The following GRIK2 variants were observed in gnomAD, a reference collection of about 807,000 sequenced individuals.
GRIK2 encodes the protein glutamate ionotropic receptor kainate type subunit 2.
GRIK2 carries 32 observed loss-of-function variants against 100.3 expected under a neutral mutation model. The observed-to-expected ratio is 0.32, with a 90% confidence interval of 0.24 to 0.43. The LOEUF (loss-of-function observed/expected upper bound fraction) is 0.43. Ranked by LOEUF, GRIK2 falls within the 20% of genes least tolerant of loss-of-function variation. The pLI is 1.00. For missense variants in GRIK2, 843 were observed against 1,114.9 expected, an observed-to-expected ratio of 0.76 and a Z score of 3.47; for synonymous variants, 417 against 389.4, an observed-to-expected ratio of 1.07 and a Z score of -0.83.
At chr6:101,825,643 A>G (rs1314613732) in intron 10 of GRIK2, among the ~76,000 whole-genome samples, 2 of 151,992 alleles carry the variant, frequency 1.3e-5, no homozygotes, top group African/African-American at 2.4e-5. Context: ...TATTCCAAAC[A>G]TTATTGTCCA....
intron 4 of GRIK2, among the ~76,000 whole-genome samples, chr6:101,650,184 G>T (rs888729151): frequency 6.6e-6 from 1 of 152,078 alleles, no homozygotes; most frequent in Non-Finnish European, 1.5e-5. Context: ...TAACTAAAGT[G>T]CAAAGGTTTA....
chr6:101,633,487 T>G (rs1184103219), intron 4 of GRIK2, among the ~76,000 whole-genome samples: 1 of 152,128 alleles, frequency 6.6e-6, no homozygotes, highest in South Asian at 2.1e-4. Context: ...TTGTGTAAAG[T>G]GCCTCATAGA....
chr6:101,879,359 C>G (rs1433210306), intron 11 of GRIK2, among the ~76,000 whole-genome samples: 1 of 151,978 alleles, frequency 6.6e-6, no homozygotes, highest in East Asian at 1.9e-4. Flanking sequence ...TCTGGATATA[C>G]CATTCCTTTC....
intron 4 of GRIK2, among the ~76,000 whole-genome samples, chr6:101,675,766 T>C (rs1026178956): frequency 3.3e-5 from 5 of 152,204 alleles, no homozygotes; most frequent in Admixed American, 1.3e-4. Flanking sequence ...ACTTTACAAA[T>C]GTGTGCAGGT....
chr6:101,661,138 T>C (rs1769580199), intron 4 of GRIK2, among the ~76,000 whole-genome samples: 2 of 152,146 alleles, frequency 1.3e-5, no homozygotes, highest in Non-Finnish European at 2.9e-5. Flanking sequence ...AAGCCCTGAC[T>C]GGGGCTGCTG....
At chr6:101,624,524 A>G (rs1203136049) in intron 3 of GRIK2, among the ~76,000 whole-genome samples, 1 of 152,180 alleles carries the variant, frequency 6.6e-6, no homozygotes, top group Admixed American at 6.5e-5. Context: ...TGCTTAATTC[A>G]CGTATAATAT....
chr6:101,746,526 C>A (rs1206013554), intron 7 of GRIK2, among the ~76,000 whole-genome samples: 1 of 151,990 alleles, frequency 6.6e-6, no homozygotes, highest in Non-Finnish European at 1.5e-5. Context: ...AGGGTTTCAC[C>A]ATGTTGGCCA....
At chr6:101,784,987 A>G (rs1168773145) in intron 7 of GRIK2, among the ~76,000 whole-genome samples, 2 of 152,084 alleles carry the variant, frequency 1.3e-5, no homozygotes, top group Non-Finnish European at 2.9e-5. Flanking sequence ...TTGTTTAAGA[A>G]CTATTCAAAC....
intron 4 of GRIK2, among the ~76,000 whole-genome samples, chr6:101,637,475 T>C (rs975529133): frequency 1.3e-5 from 2 of 152,132 alleles, no homozygotes; most frequent in Non-Finnish European, 2.9e-5. Context: ...CTATTTTCAG[T>C]TGATCATTTA....
chr6:101,570,634 C>T (rs73506641), intron 2 of GRIK2, among the ~76,000 whole-genome samples: 6,320 of 152,136 alleles, frequency 0.042, 453 homozygotes, highest in African/African-American at 0.15. Context: ...GGAGGATCAT[C>T]GATAGAACCA....
intron 7 of GRIK2, among the ~76,000 whole-genome samples, chr6:101,688,061 ATATATAAAAATATTTAT>A (rs1409028796): frequency 2.0e-5 from 3 of 147,136 alleles, no homozygotes; most frequent in Non-Finnish European, 4.5e-5. Flanking sequence ...TTTTTATATA[ATATATAAAAATATTTAT>A]TATATAAAAA....
intron 7 of GRIK2, among the ~76,000 whole-genome samples, chr6:101,721,940 CT>C (rs1774515101): frequency 2.6e-5 from 4 of 151,880 alleles, no homozygotes; most frequent in African/African-American, 4.8e-5. Context: ...TCACTTAGGC[CT>C]TTTTTTCCGA....
At chr6:101,712,899 T>C (rs931200876) in intron 7 of GRIK2, among the ~76,000 whole-genome samples, 1 of 151,852 alleles carries the variant, frequency 6.6e-6, no homozygotes, top group African/African-American at 2.4e-5. Flanking sequence ...TCAAATATTT[T>C]ACATGCTTCC....
At chr6:101,454,890 C>T (rs1040419360) in intron 2 of GRIK2, among the ~76,000 whole-genome samples, 5 of 152,096 alleles carry the variant, frequency 3.3e-5, no homozygotes, top group Admixed American at 3.3e-4. Flanking sequence ...TTTCCATGAA[C>T]ATTTACAAAA....
chr6:101,896,983 A>G (rs1378896484), intron 12 of GRIK2, among the ~76,000 whole-genome samples: 1 of 139,532 alleles, frequency 7.2e-6, no homozygotes, highest in African/African-American at 2.7e-5. Context: ...TTTATGGAAC[A>G]TGTCATTGTA....
At chr6:101,885,402 T>C (rs571808295) in intron 11 of GRIK2, among the ~76,000 whole-genome samples, 74 of 151,996 alleles carry the variant, frequency 4.9e-4, no homozygotes, top group Non-Finnish European at 8.5e-4. Flanking sequence ...TACAGAAAAA[T>C]AGTGGGAAAT....
chr6:101,948,443 TAA>T (rs1791406275), intron 14 of GRIK2, among the ~76,000 whole-genome samples: 1 of 41,030 alleles, frequency 2.4e-5, no homozygotes, highest in South Asian at 1.2e-3. Flanking sequence ...GTTCCTTAAC[TAA>T]TATATATATA....
intron 7 of GRIK2, among the ~76,000 whole-genome samples, chr6:101,690,921 A>T (rs1582967305): frequency 6.6e-6 from 1 of 152,086 alleles, no homozygotes; most frequent in Non-Finnish European, 1.5e-5. Flanking sequence ...TCCTTTATTT[A>T]TGCACTTTAT....
intron 12 of GRIK2, among the ~76,000 whole-genome samples, chr6:101,913,185 A>G (rs1788867839): frequency 6.6e-6 from 1 of 151,566 alleles, no homozygotes; most frequent in Non-Finnish European, 1.5e-5. Context: ...ATATTACTAC[A>G]TTGCTCTCGC....
Sources: allele counts gnomAD v4.1 joint callset (sites outside exome capture counted in the v4.1 genomes callset), GRCh38; gene constraint gnomAD v4.1.1; transcripts MANE v1.5; gene names NCBI Gene and HGNC (gene_info 2026-07-23, HGNC 2026-07-21).